Variants in AGBL1 observed in about 807,000 individuals in gnomAD.
AGBL1 encodes cytosolic carboxypeptidase 4.
A neutral mutation model predicts 118.9 loss-of-function variants in AGBL1; 130 were observed. The ratio of observed to expected loss-of-function variants is 1.09; its 90% CI spans 0.95 to 1.26. The LOEUF (loss-of-function observed/expected upper bound fraction) is 1.26. Among genes scored for constraint, AGBL1 ranks in the 50% most tolerant of loss-of-function variants. AGBL1 has a pLI of 0.00. For missense variants in AGBL1, 1,584 were observed against 1,298.1 expected (o/e 1.22, Z -3.38); for synonymous variants, 555 against 478.9 (o/e 1.16, Z -2.08).
chr15:86,363,300 A>G (rs565631702), intron 17 of AGBL1, among the ~76,000 whole-genome samples: 17 of 152,262 alleles, frequency 1.1e-4, no homozygotes, highest in African/African-American at 4.1e-4. Flanking sequence ...TGTCATTTAG[A>G]CATACTACTC....
At chr15:86,197,336 G>C (rs1203367535) in intron 5 of AGBL1, among the ~76,000 whole-genome samples, 1 of 152,220 alleles carries the variant, frequency 6.6e-6, no homozygotes, top group African/African-American at 2.4e-5. Context: ...TACAGAATAA[G>C]TGCAGCGCGA....
chr15:86,753,562 TA>T (rs778323798), intron 22 of AGBL1, among the ~76,000 whole-genome samples: 29 of 151,894 alleles, frequency 1.9e-4, no homozygotes, highest in Non-Finnish European at 4.1e-4. Flanking sequence ...CACACCCGGC[TA>T]ATTTTTGTAT....
Position 86,823,896 on chromosome 15 carries a change from C to T in AGBL1, c.3159-83191C>T, listed in dbSNP as rs140866201. Reference sequence around the variant, plus strand: ...GTACCCTTTCATTAAAACCTTTCATCTCAGAAAATTAGAAATGGAGGAGAA... The same window carrying T: ...GTACCCTTTCATTAAAACCTTTCATTTCAGAAAATTAGAAATGGAGGAGAA... On this transcript the variant is annotated intron_variant, in intron 22 of 22. Transcript: ENST00000614907. Among the ~76,000 whole-genome samples, 624 of 152,056 alleles carry T rather than the reference C, an allele frequency of 4.1e-3. 6 individuals are homozygous for T. The highest frequency in any genetic ancestry group is 0.014 in the African/African-American group (580 of 41,484).
intron 18 of AGBL1, among the ~76,000 whole-genome samples, chr15:86,489,924 T>A (rs72757822): frequency 4.6e-5 from 7 of 152,198 alleles, no homozygotes; most frequent in Non-Finnish European, 1.0e-4. Flanking sequence ...ACCAAAGTTA[T>A]GTGCTTAAAA....
chr15:86,453,287 A>T (rs2082217989), intron 18 of AGBL1, among the ~76,000 whole-genome samples: 1 of 152,358 alleles, frequency 6.6e-6, no homozygotes, highest in Non-Finnish European at 1.5e-5. Context: ...ATAGATAGCT[A>T]TTCCCACCAG....
At chr15:86,749,764 T>A (rs2077817665) in intron 22 of AGBL1, among the ~76,000 whole-genome samples, 1 of 152,226 alleles carries the variant, frequency 6.6e-6, no homozygotes, top group Non-Finnish European at 1.5e-5. Context: ...TCTGTTGAGA[T>A]AATCATGTGG....
chr15:86,666,604 A>G (rs891468352), intron 21 of AGBL1, among the ~76,000 whole-genome samples: 1 of 152,164 alleles, frequency 6.6e-6, no homozygotes, highest in Non-Finnish European at 1.5e-5. Context: ...TGATAGTTTT[A>G]ACAAGGACTG....
At chr15:86,218,145 C>A (rs1331114842) in intron 5 of AGBL1, among the ~76,000 whole-genome samples, 1 of 152,130 alleles carries the variant, frequency 6.6e-6, no homozygotes, top group Non-Finnish European at 1.5e-5. Flanking sequence ...TTACATTTCT[C>A]ATTAAAGTAC....
intron 5 of AGBL1, among the ~76,000 whole-genome samples, chr15:86,165,159 T>G (rs1053258060): frequency 1.3e-5 from 2 of 152,160 alleles, no homozygotes; most frequent in African/African-American, 4.8e-5. Context: ...AGCAAATTCT[T>G]CACCTTAGTC....
intron 23 of AGBL1, among the ~76,000 whole-genome samples, chr15:86,965,948 C>G (rs1246735019): frequency 6.6e-6 from 1 of 151,982 alleles, no homozygotes; most frequent in Non-Finnish European, 1.5e-5. Flanking sequence ...CATGTGTATA[C>G]CTATGTAACA....
At chr15:87,013,989 G>A (rs16939710) in intron 24 of AGBL1, among the ~76,000 whole-genome samples, 1 of 151,826 alleles carries the variant, frequency 6.6e-6, no homozygotes, top group South Asian at 2.1e-4. Flanking sequence ...GCAAAATAGA[G>A]TCCAACTTAT....
At chr15:86,286,998 A>G (rs558074052) in intron 16 of AGBL1, among the ~76,000 whole-genome samples, 1 of 152,066 alleles carries the variant, frequency 6.6e-6, no homozygotes, top group Admixed American at 6.6e-5. Flanking sequence ...AGGGTTCCAG[A>G]TCCTCACCAG....
chr15:86,610,405 G>A (rs1157033971), intron 21 of AGBL1, among the ~76,000 whole-genome samples: 1 of 152,174 alleles, frequency 6.6e-6, no homozygotes, highest in East Asian at 1.9e-4. Flanking sequence ...TTTAGCATGT[G>A]ATGATGGATT....
chr15:86,692,190 C>T (rs895539167), intron 22 of AGBL1, among the ~76,000 whole-genome samples: 2 of 151,638 alleles, frequency 1.3e-5, no homozygotes, highest in African/African-American at 4.8e-5. Context: ...AAACAAAAAA[C>T]AAAAAACAAA....
At chr15:86,689,892 A>C (rs1266816589) in intron 22 of AGBL1, among the ~76,000 whole-genome samples, 1 of 152,304 alleles carries the variant, frequency 6.6e-6, no homozygotes, top group Admixed American at 6.5e-5. Flanking sequence ...ACCTTGGAAG[A>C]GTACACGGTT....
chr15:86,106,327 C>G (rs746771522), intron 1 of AGBL1, among the ~76,000 whole-genome samples: 2 of 152,144 alleles, frequency 1.3e-5, no homozygotes, highest in African/African-American at 4.8e-5. Flanking sequence ...ATGATCAAAG[C>G]AATTTTCATG....
At chr15:86,679,920 T>A (rs1199748096) in intron 22 of AGBL1, among the ~76,000 whole-genome samples, 2 of 152,118 alleles carry the variant, frequency 1.3e-5, no homozygotes, top group Non-Finnish European at 2.9e-5. Context: ...AATGTAGAGA[T>A]TGATATTACC....
At chr15:86,765,305 C>T (rs368018622) in intron 22 of AGBL1, among the ~76,000 whole-genome samples, 2 of 151,964 alleles carry the variant, frequency 1.3e-5, no homozygotes, top group Non-Finnish European at 1.5e-5. Flanking sequence ...GCAACCATGA[C>T]AGTCACTGGA....
intron 16 of AGBL1, among the ~76,000 whole-genome samples, chr15:86,284,194 A>T (rs566837320): frequency 0.013 from 1,904 of 149,110 alleles, 46 homozygotes; most frequent in African/African-American, 0.042. Context: ...ATTAAAATAA[A>T]AAAAAAAAAA....
Sources: gnomAD v4.1 joint callset for allele counts (sites outside exome capture counted in the v4.1 genomes callset) on GRCh38, gnomAD v4.1.1 for gene constraint, MANE v1.5 for transcripts, NCBI Gene and HGNC (gene_info 2026-07-23, HGNC 2026-07-21) for gene names.